The following UBXN2A variants were observed in gnomAD, a reference collection of about 807,000 sequenced individuals.
UBXN2A encodes UBX domain protein 2A.
UBXN2A carries 28 observed loss-of-function variants against 28.4 expected under a neutral mutation model. That is an observed-to-expected ratio of 0.99 (90% CI 0.73 to 1.35). The LOEUF (loss-of-function observed/expected upper bound fraction) is 1.35. Among genes scored for constraint, UBXN2A ranks in the 40% most tolerant of loss-of-function variants. The pLI is 0.00. For synonymous variants in UBXN2A, 97 were observed against 103.6 expected (o/e 0.94, Z 0.39); for missense variants, 253 against 297.9 (o/e 0.85, Z 1.11).
At position 23,980,194 on chromosome 2, in the gene UBXN2A, A is replaced by G. The variant is rs536150454; in HGVS notation, c.288-2702A>G. Reference sequence around the variant, plus strand: ...TCTATCTCTATGGATTTCTGTCACTATGTATTTACCTGTTCTACTCATTTT... The same window carrying G: ...TCTATCTCTATGGATTTCTGTCACTGTGTATTTACCTGTTCTACTCATTTT... On this transcript the variant is annotated intron_variant, in intron 4 of 6. Transcript: ENST00000309033. Among the ~76,000 whole-genome samples, 17 of 152,244 alleles carry G rather than the reference A, an allele frequency of 1.1e-4. No homozygotes were observed. The South Asian group carries it at 3.5e-3, about 32-fold the overall frequency.
At chr2:23,938,858 T>G (rs563952823), upstream of UBXN2A, among the ~76,000 whole-genome samples, 5 of 152,348 alleles carry the variant, frequency 3.3e-5, no homozygotes, top group Admixed American at 6.5e-5. Context: ...TAAATGGTGC[T>G]GGGACCAAAA....
At chr2:23,973,584 C>T (rs552836118) in intron 3 of UBXN2A, among the ~76,000 whole-genome samples, 1 of 151,794 alleles carries the variant, frequency 6.6e-6, no homozygotes, top group Non-Finnish European at 1.5e-5. Flanking sequence ...GTGATCTGCC[C>T]GCCTCAGCCT....
chr2:23,931,968 G>A (rs902049344), intron 1 of UBXN2A, among the ~76,000 whole-genome samples: 19 of 151,256 alleles, frequency 1.3e-4, no homozygotes, highest in Admixed American at 2.6e-4. Flanking sequence ...CCGAGATCAC[G>A]CCATTGCACT....
intron 5 of UBXN2A, among the ~76,000 whole-genome samples, 172 bp from the exon 6 acceptor site, chr2:23,984,501 A>T (rs1461950463): frequency 2.0e-5 from 3 of 152,192 alleles, no homozygotes; most frequent in Non-Finnish European, 4.4e-5. Context: ...TAGAACCATC[A>T]TATATTGTGG....
chr2:23,954,733 G>C (rs145761626), intron 1 of UBXN2A, among the ~76,000 whole-genome samples: 50 of 150,366 alleles, frequency 3.3e-4, no homozygotes, highest in East Asian at 3.1e-3. Flanking sequence ...ATTCACACAA[G>C]TCCTTTGCCC....
intron 6 of UBXN2A, among the ~76,000 whole-genome samples, chr2:23,997,492 C>T (rs550855315): frequency 1.5e-4 from 23 of 152,248 alleles, no homozygotes; most frequent in African/African-American, 5.3e-4. Flanking sequence ...TGCTCTGTCG[C>T]CCAGGCTGGA....
At chr2:23,999,000 G>A (rs918826038) in intron 6 of UBXN2A, among the ~76,000 whole-genome samples, 3 of 151,854 alleles carry the variant, frequency 2.0e-5, no homozygotes, top group Non-Finnish European at 4.4e-5. Context: ...CCAATTTTTG[G>A]TACCCAAATG....
intron 6 of UBXN2A, among the ~76,000 whole-genome samples, chr2:23,995,744 G>T (rs1476226452): frequency 6.6e-6 from 1 of 151,232 alleles, no homozygotes; most frequent in African/African-American, 2.4e-5. Context: ...ATACCCTGAT[G>T]AACCCATTGT....
intron 1 of UBXN2A, among the ~76,000 whole-genome samples, chr2:23,953,330 C>T (rs1478918478): frequency 2.0e-5 from 3 of 152,062 alleles, no homozygotes; most frequent in Admixed American, 6.6e-5. Context: ...ACTCATTACC[C>T]ATCTTGATGA....
At chr2:23,940,741 C>G (rs1428809185) in intron 1 of UBXN2A, 93 bp downstream of exon 1, 1 of 151,874 alleles carries the variant, frequency 6.6e-6, no homozygotes, top group Non-Finnish European at 1.5e-5. Context: ...CGGCCTGTGG[C>G]TTGGCCGCCG....
At chr2:23,985,847 A>T (rs767952773) in intron 6 of UBXN2A, among the ~76,000 whole-genome samples, 1 of 152,136 alleles carries the variant, frequency 6.6e-6, no homozygotes, top group African/African-American at 2.4e-5. Context: ...AAATTTTTTT[A>T]AATTAGCTGA....
intron 2 of UBXN2A, among the ~76,000 whole-genome samples, chr2:23,961,569 G>A (rs1222503936): frequency 9.4e-6 from 1 of 105,960 alleles, no homozygotes; most frequent in African/African-American, 3.6e-5. Context: ...TTTTTGGTGA[G>A]ATGAAGTCTT....
rs1708733947 is a variant in UBXN2A at position 24,002,048 on chromosome 2, AGG to A, written c.*2182_*2183del. The A allele has an allele frequency of 6.6e-6, 1 of 152,194 alleles. No homozygotes were observed. 9.4% of individuals were successfully genotyped at this position (152,194 alleles called of 1,614,324 possible). A position where few individuals can be genotyped will look rare whatever the true frequency, so the allele number is the denominator to read the frequency against. ...TCCTAGCACTTTGGGAGGCCAAGACAGGTGGATCACTTGAGCCCAGGAGTTTG... is the reference window on the plus strand; with the variant it reads ...TCCTAGCACTTTGGGAGGCCAAGACATGGATCACTTGAGCCCAGGAGTTTG... On this transcript the variant is annotated 3_prime_UTR_variant, in exon 7 of 7. Transcript: ENST00000309033.
intron 6 of UBXN2A, among the ~76,000 whole-genome samples, chr2:23,999,019 G>A: frequency 6.6e-6 from 1 of 152,138 alleles, no homozygotes; most frequent in East Asian, 1.9e-4. Context: ...TGAATACACA[G>A]GACTGGGTCT....
At chr2:23,946,966 C>G (rs1706117395) in intron 1 of UBXN2A, among the ~76,000 whole-genome samples, 1 of 149,982 alleles carries the variant, frequency 6.7e-6, no homozygotes, top group Admixed American at 6.7e-5. Context: ...TAGTTCACTG[C>G]AGCCTTAAAC....
Position 23,999,906 on chromosome 2 carries a change from T to C in UBXN2A, c.*39T>C, listed in dbSNP as rs1708678957. On this transcript the variant is annotated 3_prime_UTR_variant, in exon 7 of 7. Coordinates refer to ENST00000309033, the MANE Select transcript of UBXN2A (RefSeq NM_181713.4). ...AAGTGGAAAATTTGCAGAGAAATGA[T>C]GGTTGTAAGTGGACATGCAAACCAA... 6.3e-7 allele frequency: 1 copy of C among 1,591,512 alleles called. No individual in the cohort carries two copies. The highest frequency in any genetic ancestry group is 1.8e-5 in the Admixed American group (1 of 55,346).
chr2:23,999,603 T>A (rs1271018692), intron 6 of UBXN2A, 69 bp from the exon 7 acceptor site: 34 of 1,397,008 alleles, frequency 2.4e-5, no homozygotes, highest in South Asian at 7.4e-5. Flanking sequence ...TTTTACCAGT[T>A]GTTGTTACTA....
intron 1 of UBXN2A, among the ~76,000 whole-genome samples, chr2:23,946,098 T>G (rs905355939): frequency 2.6e-5 from 4 of 152,114 alleles, no homozygotes; most frequent in African/African-American, 9.7e-5. Context: ...TCCCAAAGTG[T>G]GGGGATTACA....
intron 5 of UBXN2A, among the ~76,000 whole-genome samples, chr2:23,983,400 G>A (rs1707993808): frequency 1.3e-5 from 2 of 151,880 alleles, no homozygotes; most frequent in Admixed American, 6.6e-5. Flanking sequence ...CCAGCTCCTC[G>A]GGAGGCTGAG....
Sources: gnomAD v4.1 joint callset for allele counts (sites outside exome capture counted in the v4.1 genomes callset) on GRCh38, gnomAD v4.1.1 for gene constraint, MANE v1.5 for transcripts, NCBI Gene and HGNC (gene_info 2026-07-23, HGNC 2026-07-21) for gene names.